Variants in LGSN observed in about 807,000 individuals in gnomAD.
LGSN encodes lengsin, lens protein with glutamine synthetase domain.
In LGSN, 21 loss-of-function variants were observed where a neutral mutation model predicts 19.5. The ratio of observed to expected loss-of-function variants is 1.07; its 90% CI spans 0.76 to 1.55. The LOEUF (loss-of-function observed/expected upper bound fraction) is 1.55, where lower values mean the gene tolerates loss of function less well. Among genes scored for constraint, LGSN ranks in the 40% most tolerant of loss-of-function variants. LGSN has a pLI of 0.00. For missense variants in LGSN, 673 were observed against 608.5 expected (o/e 1.11, Z -1.12); for synonymous variants, 257 against 215.6 (o/e 1.19, Z -1.68).
At chr6:63,331,296 T>C in the LGSN span, among the ~76,000 whole-genome samples, 1 of 152,174 alleles carries the variant, frequency 6.6e-6, no homozygotes, top group Middle Eastern at 3.2e-3. Context: ...TTTCACTCCA[T>C]TTGCCTTCCC....
At chr6:63,416,855 A>G in the LGSN span, among the ~76,000 whole-genome samples, 1 of 152,006 alleles carries the variant, frequency 6.6e-6, no homozygotes, top group African/African-American at 2.4e-5. Context: ...GGCATGAGCC[A>G]CCGCACCTGG....
chr6:63,320,550 A>G (rs938167010), upstream of LGSN, among the ~76,000 whole-genome samples: 17 of 152,200 alleles, frequency 1.1e-4, no homozygotes, highest in Middle Eastern at 6.8e-3. Flanking sequence ...CAAATCCCAG[A>G]CCATCCCCAC....
At chr6:63,422,316 G>A in the LGSN span, among the ~76,000 whole-genome samples, 1 of 151,976 alleles carries the variant, frequency 6.6e-6, no homozygotes, top group Non-Finnish European at 1.5e-5. Context: ...TGCCCACCTC[G>A]ACCTCCCAAA....
chr6:63,395,283 C>T, the LGSN span: 16,297 of 152,160 alleles, frequency 0.11, 1,804 homozygotes, highest in African/African-American at 0.29. Context: ...ATAAAGTTTG[C>T]TTGTTTTGAG....
the LGSN span, chr6:63,480,112 G>T: frequency 1.5e-5 from 3 of 195,800 alleles, no homozygotes; most frequent in Admixed American, 9.9e-5. Flanking sequence ...CTGCTACCCA[G>T]CTCTCAGATG....
chr6:63,355,020 G>C, the LGSN span, among the ~76,000 whole-genome samples: 3 of 152,046 alleles, frequency 2.0e-5, no homozygotes, highest in Non-Finnish European at 2.9e-5. Context: ...GGAGGAAAAA[G>C]AAAGAATAGT....
At chr6:63,326,907 C>A in the LGSN span, among the ~76,000 whole-genome samples, 1 of 152,224 alleles carries the variant, frequency 6.6e-6, no homozygotes, top group Non-Finnish European at 1.5e-5. Flanking sequence ...TCCCATAGTG[C>A]AGCGGTGGGC....
chr6:63,482,601 C>A, the LGSN span, among the ~76,000 whole-genome samples: 2 of 152,104 alleles, frequency 1.3e-5, no homozygotes, highest in African/African-American at 2.4e-5. Flanking sequence ...TGGTGGTGCA[C>A]GCCTGTGGTC....
At chr6:63,467,535 T>C in the LGSN span, among the ~76,000 whole-genome samples, 1 of 152,232 alleles carries the variant, frequency 6.6e-6, no homozygotes, top group African/African-American at 2.4e-5. Flanking sequence ...TCCTAAGGCC[T>C]GTCTCCTTGG....
the LGSN span, among the ~76,000 whole-genome samples, chr6:63,503,774 G>A: frequency 6.6e-6 from 1 of 151,990 alleles, no homozygotes; most frequent in African/African-American, 2.4e-5. Context: ...AAATTAGCCG[G>A]GGACAGTGGC....
At chr6:63,304,494 A>G (rs920631556) in intron 1 of LGSN, among the ~76,000 whole-genome samples, 3 of 152,208 alleles carry the variant, frequency 2.0e-5, no homozygotes, top group East Asian at 3.8e-4. Context: ...AGTGGCTTAC[A>G]CTTCTTATTG....
rs1561999788 is a variant in LGSN at position 63,277,113 on chromosome 6, A to G, written c.*2908T>C. 1 of 152,214 alleles carries G rather than the reference A, an allele frequency of 6.6e-6. No homozygotes were observed. The highest frequency in any genetic ancestry group is 2.4e-5 in the African/African-American group (1 of 41,466). The allele number at this position is 152,214 out of a possible 1,614,324, so 9.4% of individuals were successfully genotyped here. On this transcript the variant is annotated 3_prime_UTR_variant, in exon 4 of 4. Coordinates refer to ENST00000370657, the MANE Select transcript of LGSN (RefSeq NM_016571.3). ...AATACTGAAGATAATATTCCTAGTT[A>G]TATAATTCCTTCACATGGCATCCTG...
chr6:63,531,534 T>C, the LGSN span, among the ~76,000 whole-genome samples: 4 of 146,716 alleles, frequency 2.7e-5, no homozygotes, highest in Non-Finnish European at 6.0e-5. Flanking sequence ...TTTTTTTTTG[T>C]AAATGCAGTG....
chr6:63,513,931 A>AT, the LGSN span, among the ~76,000 whole-genome samples: 1 of 149,636 alleles, frequency 6.7e-6, no homozygotes, highest in African/African-American at 2.5e-5. Flanking sequence ...AAAAAAAAAA[A>AT]AAAAACACTG....
rs1280794409 is a variant in LGSN, at chr6:63,279,953, C to CT, written c.*67dup. ...CTGTTGTTAATTACAAAAGTTCAGT[C>CT]TTTTTGTTTTGGTAGATTAGCTTTA... On this transcript the variant is annotated 3_prime_UTR_variant, in exon 4 of 4. Transcript: ENST00000370657. 5 of 1,403,340 alleles carry CT rather than the reference C, an allele frequency of 3.6e-6. No individual in the cohort carries two copies. The African/African-American group carries it at 7.2e-5, about 20-fold the overall frequency. The allele number at this position is 1,403,340 out of a possible 1,614,324, so 86.9% of individuals were successfully genotyped here. A position where few individuals can be genotyped will look rare whatever the true frequency, so the allele number is the denominator to read the frequency against.
chr6:63,396,285 C>G, the LGSN span: 1 of 184,846 alleles, frequency 5.4e-6, no homozygotes, highest in African/African-American at 2.4e-5. Context: ...CAGGATGAAT[C>G]AGCTGTCTAG....
At chr6:63,551,872 T>C in the LGSN span, among the ~76,000 whole-genome samples, 1 of 152,230 alleles carries the variant, frequency 6.6e-6, no homozygotes, top group Non-Finnish European at 1.5e-5. Flanking sequence ...GGACATGAAC[T>C]CATCATTTTT....
chr6:63,567,993 A>C, the LGSN span, among the ~76,000 whole-genome samples: 5 of 152,334 alleles, frequency 3.3e-5, no homozygotes, highest in South Asian at 1.0e-3. Context: ...CTCAGCCTTC[A>C]TAAAAATGAA....
chr6:63,438,356 G>A, the LGSN span, among the ~76,000 whole-genome samples: 1 of 152,140 alleles, frequency 6.6e-6, no homozygotes, highest in Non-Finnish European at 1.5e-5. Context: ...TGACAAATGG[G>A]ATCTAATTAA....
Sources: gnomAD v4.1 joint callset for allele counts (sites outside exome capture counted in the v4.1 genomes callset) on GRCh38, gnomAD v4.1.1 for gene constraint, MANE v1.5 for transcripts, NCBI Gene and HGNC (gene_info 2026-07-23, HGNC 2026-07-21) for gene names.